Variants in ATRN observed in about 807,000 individuals in gnomAD.
ATRN encodes the protein attractin, also known as attractin-2.
In ATRN, 54 loss-of-function variants were observed where a neutral mutation model predicts 178.7. That is an observed-to-expected ratio of 0.30 (90% CI 0.24 to 0.38). ATRN has a LOEUF of 0.38. ATRN is among the 10% of genes least tolerant of loss of function. ATRN has a pLI of 1.00. For missense variants in ATRN, 1,443 were observed against 1,815.1 expected (o/e 0.79, Z 3.73); for synonymous variants, 636 against 663.0 (o/e 0.96, Z 0.63).
chr20:3,592,647 A>C (rs185177030), intron 19 of ATRN, among the ~76,000 whole-genome samples: 118 of 152,138 alleles, frequency 7.8e-4, no homozygotes, highest in Middle Eastern at 3.4e-3. Context: ...CCAGATCCCA[A>C]CTCCAAACTC....
At chr20:3,599,579 T>A (rs933525191) in intron 22 of ATRN, among the ~76,000 whole-genome samples, 5 of 152,208 alleles carry the variant, frequency 3.3e-5, no homozygotes, top group African/African-American at 7.2e-5. Flanking sequence ...AGGATCCACT[T>A]ACACGTAGAC....
chr20:3,576,971 G>A lies in ATRN; in HGVS notation c.2327G>A (p.Arg776Gln). ...GACCAGAACTGCCAGTGGGAGCCCC[G>A]GAATCAGGAGTGCATTGCCCTGCCC... The part of the protein sequence containing the change: ...ALDQNCQWEP[R>Q]NQECIALPEN... Residue 776 changes from arginine (R) to glutamine (Q), a missense_variant, in exon 14 of 29, where the codon CGG (arginine) becomes CAG (glutamine). Transcript: ENST00000262919. The A allele has an allele frequency of 2.5e-6, 4 of 1,614,038 alleles. No individual in the cohort carries two copies. Among genetic ancestry groups the A allele is most frequent in the Non-Finnish European group, 3.4e-6 (4 of 1,179,980 alleles).
chr20:3,499,722 A>G lies in ATRN; in HGVS notation c.410+28205A>G, dbSNP rs561360063. ...AGACTTAAACGTTAGACCTAAAACC[A>G]TAAAAACCCTAGAAGAAAACCTAGG... is the stretch of plus-strand genomic sequence containing the variant. On this transcript the variant is annotated intron_variant, in intron 1 of 28. Transcript: ENST00000262919. 1.8e-3 allele frequency among the ~76,000 whole-genome samples: 270 copies of G among 150,432 alleles called. 1 individual carries two copies. The highest frequency in any genetic ancestry group is 6.2e-3 in the African/African-American group (250 of 40,496).
intron 5 of ATRN, 107 bp from the exon 6 acceptor site, chr20:3,549,063 G>A: frequency 1.1e-6 from 1 of 947,516 alleles, no homozygotes; most frequent in Non-Finnish European, 1.5e-6. Flanking sequence ...AAATGCTAAA[G>A]GAAAGACTAT....
intron 1 of ATRN, among the ~76,000 whole-genome samples, chr20:3,471,719 G>T (rs1392473128): frequency 6.6e-6 from 1 of 152,238 alleles, no homozygotes; most frequent in African/African-American, 2.4e-5. Flanking sequence ...GTGAAAAGGT[G>T]TGGGGCAAGG....
chr20:3,499,465 G>T (rs1243953428), intron 1 of ATRN, among the ~76,000 whole-genome samples: 1 of 148,610 alleles, frequency 6.7e-6, no homozygotes, highest in Non-Finnish European at 1.5e-5. Flanking sequence ...AAAACAGCAT[G>T]GTACTGGTAC....
At chr20:3,599,166 G>C (rs1170983803) in intron 22 of ATRN, among the ~76,000 whole-genome samples, 1 of 151,908 alleles carries the variant, frequency 6.6e-6, no homozygotes, top group East Asian at 1.9e-4. Flanking sequence ...AAAAACTATA[G>C]GTATTAATAT....
Position 3,471,069 on chromosome 20 carries a change from G to C in ATRN, c.-39G>C. ...AAGCGGAGCCGGCCGTGCGGTGTGT[G>C]TGTATGTGTTCGCGGGGCGCCGTCT... On this transcript the variant is annotated 5_prime_UTR_variant, in exon 1 of 29. Transcript: ENST00000262919. 1 of 1,499,668 alleles carries C rather than the reference G, an allele frequency of 6.7e-7. No individual in the cohort carries two copies. The highest frequency in any genetic ancestry group is 8.8e-7 in the Non-Finnish European group (1 of 1,131,332). The allele number at this position is 1,499,668 out of a possible 1,614,324, so 92.9% of individuals were successfully genotyped here. A position where few individuals can be genotyped will look rare whatever the true frequency, so the allele number is the denominator to read the frequency against.
intron 1 of ATRN, among the ~76,000 whole-genome samples, chr20:3,533,055 C>T (rs1000871147): frequency 3.3e-5 from 5 of 152,200 alleles, no homozygotes; most frequent in African/African-American, 1.2e-4. Context: ...AGCCACCACG[C>T]CCAGCCTATG....
At chr20:3,584,588 A>G in intron 17 of ATRN, 59 bp from the exon 18 acceptor site, 9 of 1,249,176 alleles carry the variant, frequency 7.2e-6, no homozygotes, top group Non-Finnish European at 9.0e-6. Context: ...AAAAAAAAGT[A>G]AATACAGTGA....
At chr20:3,598,383 GCCCCAATCAGACAGCAAGGGAGGGGA>G (rs1482864122) in intron 22 of ATRN, among the ~76,000 whole-genome samples, 126 of 152,038 alleles carry the variant, frequency 8.3e-4, no homozygotes, top group Non-Finnish European at 1.2e-3. Context: ...CAGTGATGCA[GCCCCAATCAGACAGCAAGGGAGGGGA>G]CCCCAATCAG....
intron 19 of ATRN, among the ~76,000 whole-genome samples, chr20:3,591,576 C>A (rs1307832577): frequency 1.3e-5 from 2 of 152,168 alleles, no homozygotes; most frequent in African/African-American, 4.8e-5. Context: ...GAGAAAGTGC[C>A]AACTTCCCCT....
intron 1 of ATRN, among the ~76,000 whole-genome samples, chr20:3,530,354 C>G (rs1345321123): frequency 6.6e-6 from 1 of 150,632 alleles, no homozygotes; most frequent in Non-Finnish European, 1.5e-5. Context: ...GCCTCTGCCC[C>G]ACAGGTTCAA....
At chr20:3,556,062 A>T (rs1005480412) in intron 6 of ATRN, among the ~76,000 whole-genome samples, 2 of 152,246 alleles carry the variant, frequency 1.3e-5, no homozygotes, top group Non-Finnish European at 2.9e-5. Flanking sequence ...AAATACGAAT[A>T]AATTAGATAC....
chr20:3,600,809 ACT>A (rs1263335146), intron 22 of ATRN, 135 bp from the exon 23 acceptor site: 2 of 815,146 alleles, frequency 2.5e-6, no homozygotes, highest in East Asian at 2.8e-5. Flanking sequence ...AATTTTGCTA[ACT>A]CTTCTGTGAG....
intron 1 of ATRN, among the ~76,000 whole-genome samples, chr20:3,534,157 G>A (rs560947270): frequency 6.6e-6 from 1 of 152,216 alleles, no homozygotes; most frequent in African/African-American, 2.4e-5. Flanking sequence ...TCTCGTGATG[G>A]ATTATGGAGT....
intron 15 of ATRN, among the ~76,000 whole-genome samples, chr20:3,581,757 A>G (rs1459025673): frequency 6.6e-6 from 1 of 152,144 alleles, no homozygotes; most frequent in Non-Finnish European, 1.5e-5. Context: ...CTTTGCTATA[A>G]TTTCTGTGAA....
chr20:3,538,894 C>G lies in ATRN; in HGVS notation c.495-1328C>G, dbSNP rs181951377. 2.0e-5 allele frequency among the ~76,000 whole-genome samples: 3 copies of G among 152,326 alleles called. No homozygotes were observed. In the East Asian group the frequency reaches 5.8e-4, roughly 29 times the overall value. ...GCTGATTTTCTTCATGTTGCTTGGA[C>G]ACATCAGCCTCTTTCTCCCTTAAGA... On this transcript the variant is annotated intron_variant, in intron 2 of 28. Transcript: ENST00000262919.
chr20:3,471,152 G>A lies in ATRN; in HGVS notation c.45G>A (p.Arg15=), dbSNP rs1347770139. 2.0e-6 allele frequency: 3 copies of A among 1,506,748 alleles called. No homozygotes were observed. Among genetic ancestry groups the A allele is most frequent in the Admixed American group, 4.1e-5 (2 of 48,738 alleles). The allele number at this position is 1,506,748 out of a possible 1,614,324, so 93.3% of individuals were successfully genotyped here. ...CAACTGAGGCAAGGCTGAGGAGGAG[G>A]ACGGCGGCGACGGCAGCGCTCGCGG... ...AAATEARLRR[R]TAATAALAGR... is the part of the protein sequence containing the mutation. Residue 15 remains arginine, a synonymous_variant, in exon 1 of 29, where the codon AGG becomes AGA. Coordinates refer to ENST00000262919, the MANE Select transcript of ATRN (RefSeq NM_139321.3).
Sources: allele counts gnomAD v4.1 joint callset (sites outside exome capture counted in the v4.1 genomes callset), GRCh38; gene constraint gnomAD v4.1.1; transcripts MANE v1.5; gene names NCBI Gene and HGNC (gene_info 2026-07-23, HGNC 2026-07-21).